The following RAP1GDS1 variants were observed in gnomAD, a reference collection of about 807,000 sequenced individuals.
RAP1GDS1 encodes the protein Rap1 GTPase-GDP dissociation stimulator 1, also known as RAP1, GTP-GDP dissociation stimulator 1.
A neutral mutation model predicts 71.1 loss-of-function variants in RAP1GDS1; 35 were observed. The observed-to-expected ratio is 0.49, with a 90% CI of 0.38 to 0.65. RAP1GDS1 has a LOEUF of 0.65. Ranked by LOEUF, RAP1GDS1 falls within the 30% of genes least tolerant of loss-of-function variation. The pLI is 0.00. For synonymous variants in RAP1GDS1, 229 were observed against 243.1 expected (o/e 0.94, Z 0.54); for missense variants, 663 against 706.1 (o/e 0.94, Z 0.69).
intron 14 of RAP1GDS1, among the ~76,000 whole-genome samples, chr4:98,440,610 T>C (rs1399831577): frequency 6.6e-6 from 1 of 152,214 alleles, no homozygotes; most frequent in Non-Finnish European, 1.5e-5. Flanking sequence ...TGGGAATCTT[T>C]TTATGTGTTT....
intron 2 of RAP1GDS1, among the ~76,000 whole-genome samples, chr4:98,331,489 C>G (rs1018966393): frequency 6.6e-6 from 1 of 150,556 alleles, no homozygotes; most frequent in South Asian, 2.2e-4. Flanking sequence ...AGTTTATTAT[C>G]AACAATTGAC....
intron 12 of RAP1GDS1, among the ~76,000 whole-genome samples, chr4:98,431,429 A>T (rs1249992404): frequency 6.6e-6 from 1 of 152,242 alleles, no homozygotes; most frequent in African/African-American, 2.4e-5. Flanking sequence ...CAAATTGACT[A>T]AATGCTAAAT....
Position 98,437,078 on chromosome 4 carries a change from C to T in RAP1GDS1, c.1696+10C>T. ...GCTCTTATGGGATCTGGTAAGTATT[C>T]TTCTATCATTTGATGTCCATAAACA... is the stretch of plus-strand genomic sequence containing the variant. On this transcript the variant is annotated intron_variant, in intron 14 of 14. Transcript: ENST00000408927. The T allele has an allele frequency of 1.9e-6, 3 of 1,577,178 alleles. No individual in the cohort carries two copies. The highest frequency in any genetic ancestry group is 2.6e-6 in the Non-Finnish European group (3 of 1,167,262).
At chr4:98,344,157 G>A (rs959669402) in intron 3 of RAP1GDS1, among the ~76,000 whole-genome samples, 2 of 152,082 alleles carry the variant, frequency 1.3e-5, no homozygotes, top group African/African-American at 4.8e-5. Context: ...TTGTGTAGAG[G>A]TTCTCAAAAT....
chr4:98,278,992 G>A (rs1481385289), intron 1 of RAP1GDS1, among the ~76,000 whole-genome samples: 1 of 152,182 alleles, frequency 6.6e-6, no homozygotes, highest in African/African-American at 2.4e-5. Flanking sequence ...GGAGGCCAAG[G>A]CGGGTGGATC....
intron 6 of RAP1GDS1, among the ~76,000 whole-genome samples, chr4:98,398,576 T>G (rs1200657844): frequency 1.3e-5 from 2 of 152,038 alleles, no homozygotes; most frequent in African/African-American, 4.8e-5. Context: ...CCTTCAAAAT[T>G]TTTAGGGAAG....
chr4:98,297,647 C>T (rs1455561455), intron 2 of RAP1GDS1, among the ~76,000 whole-genome samples: 1 of 152,068 alleles, frequency 6.6e-6, no homozygotes, highest in Non-Finnish European at 1.5e-5. Context: ...TCTGACTGCC[C>T]CACCAACTAG....
intron 1 of RAP1GDS1, among the ~76,000 whole-genome samples, chr4:98,280,158 G>T (rs1195279680): frequency 1.3e-5 from 2 of 152,160 alleles, no homozygotes; most frequent in Admixed American, 1.3e-4. Context: ...GATATTTCTA[G>T]TTCTAGATCC....
At chr4:98,300,645 C>T (rs938344720) in intron 2 of RAP1GDS1, among the ~76,000 whole-genome samples, 7 of 152,316 alleles carry the variant, frequency 4.6e-5, no homozygotes, top group South Asian at 2.1e-4. Context: ...AGGTGATCCA[C>T]CTTCCTTGGC....
chr4:98,273,033 A>G (rs987813409), intron 1 of RAP1GDS1, among the ~76,000 whole-genome samples: 5 of 152,122 alleles, frequency 3.3e-5, no homozygotes, highest in Admixed American at 6.5e-5. Flanking sequence ...GTGTAGTTGT[A>G]AGAGGATCAG....
At position 98,309,265 on chromosome 4, in the gene RAP1GDS1, TGAAG is replaced by T. The variant is rs1207537101; in HGVS notation, c.112+15751_112+15754del. Among the ~76,000 whole-genome samples the T allele has an allele frequency of 2.6e-5, 4 of 152,014 alleles. No homozygotes were observed. The East Asian group carries it at 7.7e-4, about 29-fold the overall frequency. On this transcript the variant is annotated intron_variant, in intron 2 of 14. Transcript: ENST00000408927. ...ACATTTAACCGGAAAAAGAGGTAATTGAAGTAAATTCTTCTCCTTTGGGAAGAAT... is the reference window on the plus strand; with the variant it reads ...ACATTTAACCGGAAAAAGAGGTAATTTAAATTCTTCTCCTTTGGGAAGAAT...
intron 1 of RAP1GDS1, among the ~76,000 whole-genome samples, chr4:98,287,892 C>CT (rs1726277875): frequency 6.6e-6 from 1 of 152,024 alleles, no homozygotes; most frequent in East Asian, 1.9e-4. Flanking sequence ...ATCGTGGAAA[C>CT]TAATTTATCA....
At chr4:98,387,371 G>A (rs1742927162) in intron 5 of RAP1GDS1, 1 of 453,448 alleles carries the variant, frequency 2.2e-6, no homozygotes, top group Middle Eastern at 3.3e-4. Context: ...TTATACCAAT[G>A]TTTTAAACAT....
chr4:98,277,204 T>A (rs1033693150), intron 1 of RAP1GDS1, among the ~76,000 whole-genome samples: 1 of 152,190 alleles, frequency 6.6e-6, no homozygotes, highest in Non-Finnish European at 1.5e-5. Context: ...TGTTGTCCCT[T>A]TCGGACATTT....
chr4:98,261,760 A>G, intron 1 of RAP1GDS1, 191 bp downstream of exon 1: 1 of 676,324 alleles, frequency 1.5e-6, no homozygotes, highest in Non-Finnish European at 2.2e-6. Context: ...GAGGGTCCCG[A>G]GCGCGGGCTG....
intron 3 of RAP1GDS1, among the ~76,000 whole-genome samples, chr4:98,350,168 T>C (rs1736953479): frequency 6.6e-6 from 1 of 152,224 alleles, no homozygotes; most frequent in Non-Finnish European, 1.5e-5. Context: ...TGGTATCATA[T>C]AGGCAAAACA....
At chr4:98,267,803 A>G (rs1722907682) in intron 1 of RAP1GDS1, among the ~76,000 whole-genome samples, 1 of 152,148 alleles carries the variant, frequency 6.6e-6, no homozygotes, top group Non-Finnish European at 1.5e-5. Context: ...TGCTGCGATG[A>G]AGATCCAAGA....
In RAP1GDS1 at chr4:98,352,583, A is replaced by G; in HGVS notation, c.343A>G (p.Asn115Asp). Residue 115 changes from asparagine to aspartate, a missense_variant, in exon 4 of 15, where the codon AAC becomes GAC. Physicochemically the swap from Asn to Asp is conservative, Grantham distance 23. Coordinates refer to ENST00000408927, the MANE Select transcript of RAP1GDS1 (RefSeq NM_001100427.2). ...VLLQTGRALG[N>D]ICYDSHEGRS... ...GCTTCAAACGGGCAGGGCTCTAGGA[A>G]ACATATGTTACGATAGCCGTAAGTG... 2 of 1,613,884 alleles carry G rather than the reference A, an allele frequency of 1.2e-6. No individual in the cohort carries two copies. The highest frequency in any genetic ancestry group is 1.7e-6 in the Non-Finnish European group (2 of 1,179,896).
chr4:98,377,195 A>T (rs143691586), intron 4 of RAP1GDS1, among the ~76,000 whole-genome samples: 27 of 151,988 alleles, frequency 1.8e-4, no homozygotes, highest in African/African-American at 6.3e-4. Context: ...AGCCCAGTTT[A>T]CTCAGGAATT....
Sources: allele counts gnomAD v4.1 joint callset (sites outside exome capture counted in the v4.1 genomes callset), GRCh38; gene constraint gnomAD v4.1.1; transcripts MANE v1.5; gene names NCBI Gene and HGNC (gene_info 2026-07-23, HGNC 2026-07-21).